SH2D4B: variants seen among roughly 807,000 people sequenced by gnomAD.
SH2D4B encodes the protein SH2 domain containing 4B.
In SH2D4B, 45 loss-of-function variants were observed where a neutral mutation model predicts 61.5. The observed-to-expected ratio is 0.73, with a 90% CI of 0.58 to 0.94. The LOEUF is 0.94. Among genes scored for constraint, SH2D4B ranks in the 40% least tolerant of loss-of-function variants. The probability of loss-of-function intolerance (pLI) is 0.00; values close to 1 mark genes in which losing one functional copy is unlikely to be tolerated. For synonymous variants in SH2D4B, 224 were observed against 220.4 expected (o/e 1.02, Z -0.14); for missense variants, 572 against 574.2 (o/e 1.00, Z 0.04).
chr10:80,567,340 C>T (rs989416863), intron 1 of SH2D4B, among the ~76,000 whole-genome samples: 1 of 152,182 alleles, frequency 6.6e-6, no homozygotes, highest in African/African-American at 2.4e-5. Context: ...GGGTGGTGGA[C>T]ATTGCATTGT....
At chr10:80,571,877 A>G (rs1453821779) in intron 3 of SH2D4B, among the ~76,000 whole-genome samples, 2 of 146,396 alleles carry the variant, frequency 1.4e-5, no homozygotes, top group African/African-American at 2.6e-5. Context: ...GGTTCACGCC[A>G]TTCTCCTACC....
chr10:80,543,824 A>G (rs1841623295), intron 1 of SH2D4B, among the ~76,000 whole-genome samples: 2 of 151,610 alleles, frequency 1.3e-5, no homozygotes, highest in South Asian at 2.1e-4. Flanking sequence ...ACCAATGGAC[A>G]CTCTGTATCT....
chr10:80,603,459 C>T (rs1842475150), intron 4 of SH2D4B, 120 bp from the exon 5 acceptor site: 10 of 917,332 alleles, frequency 1.1e-5, no homozygotes, highest in South Asian at 3.5e-5. Context: ...AAAGTCATCG[C>T]GATTTTTTGC....
chr10:80,561,728 C>T (rs1432099193), intron 1 of SH2D4B, among the ~76,000 whole-genome samples: 1 of 152,006 alleles, frequency 6.6e-6, no homozygotes, highest in Non-Finnish European at 1.5e-5. Context: ...CAACAAAGTA[C>T]AATAAATTTA....
intron 6 of SH2D4B, among the ~76,000 whole-genome samples, chr10:80,611,366 A>C (rs147024039): frequency 1.3e-5 from 2 of 152,076 alleles, no homozygotes; most frequent in African/African-American, 4.8e-5. Context: ...AGGATAATCT[A>C]GTCTGTTATG....
Position 80,615,407 on chromosome 10 carries a change from T to G in SH2D4B, c.988+5856T>G, listed in dbSNP as rs61861599. Among the ~76,000 whole-genome samples the G allele has an allele frequency of 7.5e-3, 1,150 of 152,366 alleles. 18 individuals carry two copies. Among genetic ancestry groups the G allele is most frequent in the Non-Finnish European group, 8.0e-3 (541 of 68,032 alleles). ...ATTCTGGCTGTCTCTTTGCATATACTGCCATCCAGGGATGGAAACTGGGAC... is the reference window on the plus strand; with the variant it reads ...ATTCTGGCTGTCTCTTTGCATATACGGCCATCCAGGGATGGAAACTGGGAC... On this transcript the variant is annotated intron_variant, in intron 6 of 7. Coordinates refer to ENST00000646907, the MANE Select transcript of SH2D4B (RefSeq NM_001388272.1).
At chr10:80,570,080 C>A in intron 1 of SH2D4B, 74 bp from the exon 2 acceptor site, 1 of 1,558,628 alleles carries the variant, frequency 6.4e-7, no homozygotes, top group Non-Finnish European at 8.8e-7. Flanking sequence ...TGGTTGTTTA[C>A]CACTGGGCAG....
At chr10:80,586,598 G>T (rs888423016) in intron 3 of SH2D4B, among the ~76,000 whole-genome samples, 10 of 152,068 alleles carry the variant, frequency 6.6e-5, no homozygotes, top group African/African-American at 2.4e-4. Flanking sequence ...GATTGTAAAC[G>T]CACCAATCAG....
chr10:80,604,650 C>G (rs752045475), intron 5 of SH2D4B, among the ~76,000 whole-genome samples: 7 of 152,120 alleles, frequency 4.6e-5, no homozygotes, highest in South Asian at 2.1e-4. Context: ...TTCCCCTCCC[C>G]CCTTCCCACC....
intron 6 of SH2D4B, among the ~76,000 whole-genome samples, chr10:80,620,812 A>T (rs77274536): frequency 0.066 from 10,046 of 152,300 alleles, 385 homozygotes; most frequent in Admixed American, 0.081. Context: ...GGTTAACATA[A>T]TGCCAGGATT....
rs115067170 is a variant in SH2D4B, at chr10:80,592,588, G to A, written c.643+3811G>A. Reference sequence around the variant, plus strand: ...TTCCTACTTAATTCTTTTTCATATGGCCATCCAAGTTGTCCAAGCACCATT... The same window carrying A: ...TTCCTACTTAATTCTTTTTCATATGACCATCCAAGTTGTCCAAGCACCATT... On this transcript the variant is annotated intron_variant, in intron 4 of 7. Coordinates refer to ENST00000646907, the MANE Select transcript of SH2D4B (RefSeq NM_001388272.1). 2.6e-3 allele frequency among the ~76,000 whole-genome samples: 388 copies of A among 152,108 alleles called. 1 individual carries two copies. The highest frequency in any genetic ancestry group is 9.0e-3 in the African/African-American group (373 of 41,476).
At chr10:80,618,815 A>G (rs1842686187) in intron 6 of SH2D4B, among the ~76,000 whole-genome samples, 1 of 152,106 alleles carries the variant, frequency 6.6e-6, no homozygotes, top group African/African-American at 2.4e-5. Context: ...CGAGAAATAA[A>G]AAGAGCTCAT....
Position 80,539,314 on chromosome 10 carries a change from C to T in SH2D4B, c.184+799C>T, listed in dbSNP as rs1281540636. Among the ~76,000 whole-genome samples, 1 of 152,226 alleles carries T rather than the reference C, an allele frequency of 6.6e-6. No homozygotes were observed. The highest frequency in any genetic ancestry group is 2.4e-5 in the African/African-American group (1 of 41,458). ...GTAGTTTCTGTGGATGCTGCATGCA[C>T]TTTACAGTTTGCAAGGCTTATGTGC... is the stretch of plus-strand genomic sequence containing the variant. On this transcript the variant is annotated intron_variant, in intron 1 of 7. Transcript: ENST00000646907. This position sits in a 1 kb window ranked among gnomAD's most constrained non-coding sequence, Gnocchi z 4.9.
At chr10:80,638,232 T>C (rs1840223187) in intron 7 of SH2D4B, among the ~76,000 whole-genome samples, 1 of 152,236 alleles carries the variant, frequency 6.6e-6, no homozygotes, top group South Asian at 2.1e-4. Flanking sequence ...ATCAGGGATA[T>C]TGGTCTAAAA....
At chr10:80,555,204 C>T (rs1452804221) in intron 1 of SH2D4B, among the ~76,000 whole-genome samples, 2 of 152,098 alleles carry the variant, frequency 1.3e-5, no homozygotes, top group Non-Finnish European at 2.9e-5. Context: ...CAGACTCCTA[C>T]AATATAGCTG....
Position 80,588,649 on chromosome 10 carries a change from G to A in SH2D4B, c.515G>A (p.Arg172Lys), listed in dbSNP as rs772683462. The A allele has an allele frequency of 3.1e-6, 5 of 1,613,868 alleles. No individual in the cohort carries two copies. The highest frequency in any genetic ancestry group is 4.2e-6 in the Non-Finnish European group (5 of 1,180,028). ...TTTTAGAGGAAAGAGGAAGAGGAGA[G>A]GAAGCGAGGAGAAGAGCAGATTCGC... is the stretch of plus-strand genomic sequence containing the variant. ...EEFKRKEEEE[R>K]KRGEEQIRLQ... The change falls in exon 4 of 8, where the codon AGG becomes AAG. Residue 172 changes from arginine (R) to lysine (K), a missense_variant. Transcript: ENST00000646907.
chr10:80,558,449 T>A (rs931849372), intron 1 of SH2D4B, among the ~76,000 whole-genome samples: 5 of 152,168 alleles, frequency 3.3e-5, no homozygotes, highest in Non-Finnish European at 5.9e-5. Flanking sequence ...ATTGAGATGT[T>A]ATTAATATGC....
At chr10:80,601,143 G>A (rs1451729119) in intron 4 of SH2D4B, among the ~76,000 whole-genome samples, 1 of 152,180 alleles carries the variant, frequency 6.6e-6, no homozygotes, top group Non-Finnish European at 1.5e-5. Context: ...GTGTCTTGGA[G>A]TCTTGTAACA....
intron 6 of SH2D4B, among the ~76,000 whole-genome samples, chr10:80,618,524 C>T (rs1189886511): frequency 6.6e-6 from 1 of 152,196 alleles, no homozygotes; most frequent in Non-Finnish European, 1.5e-5. Context: ...TCATCACAAT[C>T]TCTGTGGCTT....
Sources: allele counts gnomAD v4.1 joint callset (sites outside exome capture counted in the v4.1 genomes callset), GRCh38; gene constraint gnomAD v4.1.1; non-coding constraint Gnocchi (gnomAD v3.1); transcripts MANE v1.5; gene names NCBI Gene and HGNC (gene_info 2026-07-23, HGNC 2026-07-21).